The following ATRNL1 variants were observed in gnomAD, a reference collection of about 807,000 sequenced individuals.
ATRNL1 encodes attractin like 1.
Under a neutral mutation model 182.7 loss-of-function variants are expected in ATRNL1, and 95 were observed. That is an observed-to-expected ratio of 0.52 (90% confidence interval 0.44 to 0.62). The LOEUF (loss-of-function observed/expected upper bound fraction) is 0.62. Among genes scored for constraint, ATRNL1 ranks in the 20% least tolerant of loss-of-function variants. ATRNL1 has a pLI of 0.00. For missense variants in ATRNL1, 1,471 were observed against 1,679.5 expected, an observed-to-expected ratio of 0.88 and a Z score of 2.17; for synonymous variants, 576 against 568.3, an observed-to-expected ratio of 1.01 and a Z score of -0.19.
chr10:115,580,445 C>G (rs1854999740), intron 26 of ATRNL1, among the ~76,000 whole-genome samples: 1 of 152,036 alleles, frequency 6.6e-6, no homozygotes, highest in African/African-American at 2.4e-5. Flanking sequence ...AATGTTTCTA[C>G]TGAAAAATCA....
At chr10:115,174,270 C>T (rs1554886317) in intron 8 of ATRNL1, among the ~76,000 whole-genome samples, 1 of 151,584 alleles carries the variant, frequency 6.6e-6, no homozygotes, top group Non-Finnish European at 1.5e-5. Context: ...TCTACTTTCC[C>T]CATGTTTTCC....
chr10:115,101,315 C>G (rs1340827877), intron 1 of ATRNL1, among the ~76,000 whole-genome samples: 3 of 151,742 alleles, frequency 2.0e-5, no homozygotes, highest in African/African-American at 7.3e-5. Context: ...GATCTTTAAC[C>G]ATGAAGTATG....
intron 28 of ATRNL1, among the ~76,000 whole-genome samples, chr10:115,893,326 T>G (rs782686456): frequency 6.6e-6 from 1 of 152,090 alleles, no homozygotes; most frequent in Non-Finnish European, 1.5e-5. Context: ...TAAAAGAGTA[T>G]GTATGAGAGA....
In ATRNL1 at chr10:115,708,541, A is replaced by G. The variant is rs534736626; in HGVS notation, c.3796-18707A>G. 3.3e-5 allele frequency among the ~76,000 whole-genome samples: 5 copies of G among 151,844 alleles called. No homozygotes were observed. In the South Asian group the frequency reaches 1.0e-3, roughly 31 times the overall value. ...ATACTGTTTGTTAGAAATGGCTAAG[A>G]TCTTTGTATAGGAAGGGGACATAAT... On this transcript the variant is annotated intron_variant, in intron 26 of 28. Coordinates refer to ENST00000355044, the MANE Select transcript of ATRNL1 (RefSeq NM_207303.4).
chr10:115,895,106 C>T (rs969270888), intron 28 of ATRNL1, among the ~76,000 whole-genome samples: 2 of 152,084 alleles, frequency 1.3e-5, no homozygotes, highest in African/African-American at 4.8e-5. Context: ...TTTTAAGTTG[C>T]CATTATATTG....
intron 26 of ATRNL1, among the ~76,000 whole-genome samples, chr10:115,551,707 A>G (rs527540868): frequency 6.6e-6 from 1 of 151,624 alleles, no homozygotes; most frequent in East Asian, 1.9e-4. Context: ...AAAATTCTAA[A>G]TGTTATAGAA....
At chr10:115,568,366 T>C (rs7087764) in intron 26 of ATRNL1, among the ~76,000 whole-genome samples, 2,590 of 152,192 alleles carry the variant, frequency 0.017, 71 homozygotes, top group African/African-American at 0.059. Flanking sequence ...TGCTAAACAA[T>C]TTAAGTATAT....
intron 21 of ATRNL1, 72 bp from the exon 22 acceptor site, chr10:115,461,869 G>A: frequency 1.1e-6 from 1 of 879,298 alleles, no homozygotes; most frequent in Non-Finnish European, 1.8e-6. Flanking sequence ...ACAATATATT[G>A]TAACCTAAAT....
intron 27 of ATRNL1, among the ~76,000 whole-genome samples, chr10:115,739,207 A>C (rs74158274): frequency 0.023 from 3,560 of 152,302 alleles, 122 homozygotes; most frequent in African/African-American, 0.081. Context: ...GATCAACCTT[A>C]TTCATACTGG....
chr10:115,488,198 T>A, intron 24 of ATRNL1, among the ~76,000 whole-genome samples: 1 of 152,168 alleles, frequency 6.6e-6, no homozygotes, highest in East Asian at 1.9e-4. Context: ...TTGCTGTGTC[T>A]CTACCAGGTT....
Position 115,721,603 on chromosome 10 carries a change from G to A in ATRNL1, c.3796-5645G>A, listed in dbSNP as rs147167777. The stretch of plus-strand genomic sequence containing the variant: ...CCCTGGTAAACCCATCAGTTCTCAT[G>A]AGACTTATTCACTATCATGAGAATA... On this transcript the variant is annotated intron_variant, in intron 26 of 28. Coordinates refer to ENST00000355044, the MANE Select transcript of ATRNL1 (RefSeq NM_207303.4). Among the ~76,000 whole-genome samples the A allele has an allele frequency of 6.9e-3, 1,055 of 152,200 alleles. 13 individuals carry two copies. Among genetic ancestry groups the A allele is most frequent in the African/African-American group, 0.024 (983 of 41,518 alleles).
chr10:115,174,685 A>G (rs900954744), intron 8 of ATRNL1, among the ~76,000 whole-genome samples: 2 of 151,968 alleles, frequency 1.3e-5, no homozygotes, highest in African/African-American at 4.8e-5. Context: ...GCCATAGACA[A>G]TAGATAAACA....
chr10:115,587,618 C>G (rs1171849276), intron 26 of ATRNL1, among the ~76,000 whole-genome samples: 1 of 134,794 alleles, frequency 7.4e-6, no homozygotes, highest in Non-Finnish European at 1.6e-5. Context: ...CGCTTCGGCT[C>G]GCGCATGGTG....
At chr10:115,928,206 C>G (rs1953291639) in intron 28 of ATRNL1, among the ~76,000 whole-genome samples, 1 of 151,998 alleles carries the variant, frequency 6.6e-6, no homozygotes, top group Non-Finnish European at 1.5e-5. Flanking sequence ...GTAAAGAAAA[C>G]TGAGTTTGGT....
chr10:115,682,211 C>T (rs1473606667), intron 26 of ATRNL1, among the ~76,000 whole-genome samples: 1 of 143,314 alleles, frequency 7.0e-6, no homozygotes, highest in Non-Finnish European at 1.6e-5. Flanking sequence ...CCTTAGGATC[C>T]TGTGCCTTTG....
intron 1 of ATRNL1, among the ~76,000 whole-genome samples, chr10:115,101,694 T>G (rs1843774850): frequency 6.6e-6 from 1 of 152,210 alleles, no homozygotes; most frequent in African/African-American, 2.4e-5. Context: ...GGTGACAAGA[T>G]AATGCTGGCC....
intron 27 of ATRNL1, among the ~76,000 whole-genome samples, chr10:115,796,833 T>A (rs913621715): frequency 1.3e-5 from 2 of 152,202 alleles, no homozygotes; most frequent in Non-Finnish European, 1.5e-5. Flanking sequence ...ATAAATTAAA[T>A]CTATTGATTT....
chr10:115,298,336 A>C (rs1411407510), intron 15 of ATRNL1, among the ~76,000 whole-genome samples: 1 of 152,156 alleles, frequency 6.6e-6, no homozygotes, highest in African/African-American at 2.4e-5. Context: ...TATCTTACAT[A>C]AGATAATGAA....
chr10:115,231,264 A>G (rs1849940082), intron 9 of ATRNL1, among the ~76,000 whole-genome samples: 1 of 152,138 alleles, frequency 6.6e-6, no homozygotes, highest in South Asian at 2.1e-4. Context: ...AGCATATTTC[A>G]AAGGAAAGAG....
Sources: allele counts gnomAD v4.1 joint callset (sites outside exome capture counted in the v4.1 genomes callset), GRCh38; gene constraint gnomAD v4.1.1; transcripts MANE v1.5; gene names NCBI Gene and HGNC (gene_info 2026-07-23, HGNC 2026-07-21).